The following CDK5RAP2 variants were observed in gnomAD, a reference collection of about 807,000 sequenced individuals.
The protein encoded by CDK5RAP2 is CDK5 regulatory subunit associated protein 2, also known as CDK5 regulatory subunit-associated protein 2.
A neutral mutation model predicts 232.9 loss-of-function variants in CDK5RAP2; 147 were observed. The ratio of observed to expected loss-of-function variants is 0.63; its 90% CI spans 0.55 to 0.72. The LOEUF (loss-of-function observed/expected upper bound fraction) is 0.72. Ranked by LOEUF, CDK5RAP2 falls within the 30% of genes least tolerant of loss-of-function variation. The probability of loss-of-function intolerance (pLI) is 0.00; values close to 1 mark genes in which losing one functional copy is unlikely to be tolerated. For missense variants in CDK5RAP2, 2,195 were observed against 2,231.5 expected (o/e 0.98, Z 0.33); for synonymous variants, 833 against 833.7 (o/e 1.00, Z 0.01).
rs191994393 is a variant in CDK5RAP2 at position 120,400,896 on chromosome 9, G to A, written c.5308-11C>T. ...TGCTGGGTGTGGACCCTACACGGGGGATATGAAGGCTGTTACGTGCAGTCT... is the reference window on the plus strand; with the variant it reads ...TGCTGGGTGTGGACCCTACACGGGGAATATGAAGGCTGTTACGTGCAGTCT... On this transcript the variant is annotated splice_polypyrimidine_tract_variant and intron_variant, in intron 34 of 37. Coordinates refer to ENST00000349780, the MANE Select transcript of CDK5RAP2 (RefSeq NM_018249.6). 7.4e-5 allele frequency: 119 copies of A among 1,614,112 alleles called. No individual in the cohort carries two copies. In the East Asian group the frequency reaches 2.3e-3, roughly 31 times the overall value.
At chr9:120,557,126 C>A (rs1588648842) in intron 3 of CDK5RAP2, among the ~76,000 whole-genome samples, 2 of 152,118 alleles carry the variant, frequency 1.3e-5, no homozygotes, top group East Asian at 3.8e-4. Context: ...GCAAAATACG[C>A]CTTTAGAAGG....
intron 35 of CDK5RAP2, among the ~76,000 whole-genome samples, chr9:120,397,641 T>A (rs983524691): frequency 6.7e-5 from 10 of 148,602 alleles, no homozygotes; most frequent in Non-Finnish European, 1.3e-4. Flanking sequence ...TTCCTTAGTA[T>A]CACCACATCC....
chr9:120,528,125 TGA>T (rs2040989213), intron 9 of CDK5RAP2, among the ~76,000 whole-genome samples, 200 bp from the exon 10 acceptor site: 4 of 152,210 alleles, frequency 2.6e-5, no homozygotes, highest in African/African-American at 9.6e-5. Flanking sequence ...CAGGGCTGGG[TGA>T]AGGGGAAGGG....
intron 14 of CDK5RAP2, among the ~76,000 whole-genome samples, chr9:120,478,470 A>T (rs1166243746): frequency 6.6e-6 from 1 of 152,150 alleles, no homozygotes; most frequent in Non-Finnish European, 1.5e-5. Flanking sequence ...CAGCATGATG[A>T]CTATATGTAA....
intron 1 of CDK5RAP2, among the ~76,000 whole-genome samples, chr9:120,578,917 T>C (rs928373363): frequency 3.9e-5 from 6 of 152,188 alleles, no homozygotes; most frequent in African/African-American, 1.4e-4. Context: ...ATGGTCACCC[T>C]TTCAATTAGG....
intron 18 of CDK5RAP2, among the ~76,000 whole-genome samples, chr9:120,463,605 C>G (rs2037210821): frequency 6.6e-6 from 1 of 152,182 alleles, no homozygotes; most frequent in African/African-American, 2.4e-5. Context: ...TCCTGCGGAT[C>G]TGAGAAGGGT....
At chr9:120,537,969 C>G (rs1363955840) in intron 6 of CDK5RAP2, among the ~76,000 whole-genome samples, 1 of 152,190 alleles carries the variant, frequency 6.6e-6, no homozygotes, top group African/African-American at 2.4e-5. Flanking sequence ...GAGCAGAGAC[C>G]TGTCACTCCA....
intron 5 of CDK5RAP2, among the ~76,000 whole-genome samples, chr9:120,545,437 G>A (rs1025422294): frequency 2.0e-5 from 3 of 152,190 alleles, no homozygotes; most frequent in African/African-American, 7.2e-5. Context: ...GCTTCTGGGG[G>A]GCTGGCATGT....
At chr9:120,418,101 G>A (rs923062733) in intron 27 of CDK5RAP2, among the ~76,000 whole-genome samples, 24 of 152,250 alleles carry the variant, frequency 1.6e-4, no homozygotes, top group African/African-American at 5.8e-4. Context: ...TCATAAATAT[G>A]ACAAAAGACA....
chr9:120,443,542 A>G (rs1588349200), intron 23 of CDK5RAP2, 78 bp downstream of exon 23: 4 of 1,493,288 alleles, frequency 2.7e-6, no homozygotes, highest in Non-Finnish European at 3.7e-6. Context: ...TGGGCTTAGT[A>G]ATAATTTTTA....
intron 25 of CDK5RAP2, among the ~76,000 whole-genome samples, chr9:120,424,745 G>T (rs1276936578): frequency 6.7e-6 from 1 of 149,986 alleles, no homozygotes; most frequent in Non-Finnish European, 1.5e-5. Context: ...TGTTGCCCAG[G>T]CTGGAGTACA....
At chr9:120,465,265 C>T (rs1364180678) in intron 18 of CDK5RAP2, among the ~76,000 whole-genome samples, 2 of 152,172 alleles carry the variant, frequency 1.3e-5, no homozygotes, top group South Asian at 2.1e-4. Context: ...CTATGCTCAC[C>T]GTCCTGACTA....
chr9:120,406,729 C>A, intron 32 of CDK5RAP2: 1 of 486,616 alleles, frequency 2.1e-6, no homozygotes, highest in Non-Finnish European at 3.7e-6. Context: ...GCAGGCAGGA[C>A]TAAATGGATA....
intron 7 of CDK5RAP2, among the ~76,000 whole-genome samples, chr9:120,533,799 A>G (rs1181462487): frequency 3.5e-4 from 41 of 118,674 alleles, no homozygotes; most frequent in Admixed American, 6.7e-4. Flanking sequence ...ACTCCATCTA[A>G]AAAAAAAAAA....
intron 23 of CDK5RAP2, 109 bp from the exon 24 acceptor site, chr9:120,440,081 C>T: frequency 1.1e-6 from 1 of 939,672 alleles, no homozygotes; most frequent in South Asian, 1.4e-5. Context: ...CCTAACAAGC[C>T]TCCCTCAAAA....
Position 120,415,090 on chromosome 9 carries a change from T to G in CDK5RAP2, c.4247A>C (p.Asn1416Thr), listed in dbSNP as rs539439151. 3.7e-6 allele frequency: 6 copies of G among 1,614,228 alleles called. No individual in the cohort carries two copies. The highest frequency in any genetic ancestry group is 4.2e-6 in the Non-Finnish European group (5 of 1,180,014). ...RKRLEESIKTNEKLRKQLERQ... is the reference protein window; with the variant it reads ...RKRLEESIKTTEKLRKQLERQ... ...TTCCAACTGTTTCCGTAGCTTCTCA[T>G]TTGTTTTAATAGATTCTTCTAAACG... Residue 1416 changes from asparagine to threonine, a missense_variant, in exon 28 of 38, where the codon AAT (asparagine) becomes ACT (threonine). Transcript: ENST00000349780.
At chr9:120,392,620 A>C (rs1208304987) in intron 36 of CDK5RAP2, among the ~76,000 whole-genome samples, 6 of 152,106 alleles carry the variant, frequency 3.9e-5, no homozygotes, top group Non-Finnish European at 8.8e-5. Flanking sequence ...TCCCCACCCC[A>C]CTGCTGCTCC....
chr9:120,417,101 T>C (rs1378937488), intron 27 of CDK5RAP2, among the ~76,000 whole-genome samples: 1 of 151,368 alleles, frequency 6.6e-6, no homozygotes, highest in Non-Finnish European at 1.5e-5. Context: ...CTTAAACTCC[T>C]GGCACCCACA....
chr9:120,496,449 C>T (rs1290955199), intron 12 of CDK5RAP2, among the ~76,000 whole-genome samples: 91 of 127,012 alleles, frequency 7.2e-4, no homozygotes, highest in African/African-American at 1.8e-3. Context: ...TCTGCCCGGC[C>T]GCCCCTACTG....
Sources: gnomAD v4.1 joint callset for allele counts (sites outside exome capture counted in the v4.1 genomes callset) on GRCh38, gnomAD v4.1.1 for gene constraint, MANE v1.5 for transcripts, NCBI Gene and HGNC (gene_info 2026-07-23, HGNC 2026-07-21) for gene names.